Variants in LTF observed in about 807,000 individuals in gnomAD.
LTF encodes the protein lactotransferrin.
LTF carries 91 observed loss-of-function variants against 87.2 expected under a neutral mutation model. That is an observed-to-expected ratio of 1.04 (90% CI 0.88 to 1.24). LTF has a LOEUF of 1.24. Ranked by LOEUF, LTF falls within the 50% of genes most tolerant of loss-of-function variation. The probability of loss-of-function intolerance (pLI) is 0.00; values close to 1 mark genes in which losing one functional copy is unlikely to be tolerated. For missense variants in LTF, 901 were observed against 904.3 expected (o/e 1.00, Z 0.05); for synonymous variants, 378 against 356.1 (o/e 1.06, Z -0.69).
At chr3:46,438,202 T>C in intron 15 of LTF, 73 bp from the exon 16 acceptor site, 1 of 1,252,916 alleles carries the variant, frequency 8.0e-7, no homozygotes, top group Non-Finnish European at 1.1e-6. Flanking sequence ...CAAAGGGGTA[T>C]TTCTTCCACC....
chr3:46,471,909 C>A (rs999586706), intron 1 of LTF, among the ~76,000 whole-genome samples: 1 of 152,176 alleles, frequency 6.6e-6, no homozygotes, highest in African/African-American at 2.4e-5. Flanking sequence ...GCCATGGGGA[C>A]AATTCCCCCA....
chr3:46,484,485 G>C (rs1286669271), intron 1 of LTF, among the ~76,000 whole-genome samples: 1 of 152,138 alleles, frequency 6.6e-6, no homozygotes, highest in Non-Finnish European at 1.5e-5. Flanking sequence ...TCAGGCCTTA[G>C]GGGCTGTGCT....
intron 1 of LTF, among the ~76,000 whole-genome samples, chr3:46,475,358 C>T (rs1703346504): frequency 6.6e-6 from 1 of 152,150 alleles, no homozygotes; most frequent in Non-Finnish European, 1.5e-5. Context: ...TCACCAATTC[C>T]ACACAACCTC....
At chr3:46,436,469 C>T (rs534656983) in intron 16 of LTF, among the ~76,000 whole-genome samples, 1 of 152,336 alleles carries the variant, frequency 6.6e-6, no homozygotes, top group South Asian at 2.1e-4. Context: ...AGAGACACAA[C>T]CACCCTGCAC....
intron 9 of LTF, among the ~76,000 whole-genome samples, chr3:46,447,872 C>T: frequency 6.6e-6 from 1 of 152,146 alleles, no homozygotes; most frequent in South Asian, 2.1e-4. Flanking sequence ...ATCATGGACT[C>T]ATCAGTAGTA....
At chr3:46,474,267 C>T (rs1438143516) in intron 1 of LTF, among the ~76,000 whole-genome samples, 2 of 151,938 alleles carry the variant, frequency 1.3e-5, no homozygotes, top group Admixed American at 1.3e-4. Context: ...GATAGAAAAA[C>T]ATAAACCATG....
In LTF at chr3:46,459,685, A is replaced by G. The variant is rs1575321016; in HGVS notation, c.178T>C (p.Ser60Pro). 6.4e-7 allele frequency: 1 copy of G among 1,554,028 alleles called. No homozygotes were observed. The highest frequency in any genetic ancestry group is 8.7e-7 in the Non-Finnish European group (1 of 1,153,604). Residue 60 changes from serine to proline, a missense_variant, in exon 2 of 17, where the codon TCC becomes CCC. Coordinates refer to ENST00000231751, the MANE Select transcript of LTF (RefSeq NM_002343.6). ...GPPVSCIKRD[S>P]PIQCIQAIAE... ...ATGGCCTGGATACACTGGATGGGGG[A>G]GTCTCTCTTTATGCAGCTGACAGGA...
In LTF at chr3:46,449,959, G is replaced by A. The variant is rs780149227; in HGVS notation, c.952C>T (p.Leu318=). 2 of 1,614,126 alleles carry A rather than the reference G, an allele frequency of 1.2e-6. No homozygotes were observed. Among genetic ancestry groups the A allele is most frequent in the Non-Finnish European group, 8.5e-7 (1 of 1,179,996 alleles). The change falls in exon 8 of 17, where the codon CTG becomes TTG. Residue 318 remains leucine, a synonymous_variant. Coordinates refer to ENST00000231751, the MANE Select transcript of LTF (RefSeq NM_002343.6). ...FGSPSGQKDL[L]FKDSAIGFSR... ...AACCCAATGGCAGAGTCCTTGAACAGCAGATCTTTCTGCCCACTAGGGGAG... is the reference window on the plus strand; with the variant it reads ...AACCCAATGGCAGAGTCCTTGAACAACAGATCTTTCTGCCCACTAGGGGAG...
At chr3:46,447,015 G>A (rs754846947) in intron 10 of LTF, among the ~76,000 whole-genome samples, 3 of 152,188 alleles carry the variant, frequency 2.0e-5, no homozygotes, top group Non-Finnish European at 2.9e-5. Flanking sequence ...GGACTGTACA[G>A]TGTGTGAAGT....
Position 46,449,914 on chromosome 3 carries a change from T to A in LTF, c.997A>T (p.Ile333Leu), listed in dbSNP as rs1266638205. 4 of 1,614,140 alleles carry A rather than the reference T, an allele frequency of 2.5e-6. No homozygotes were observed. In the East Asian group the frequency reaches 6.7e-5, roughly 27 times the overall value. Residue 333 changes from isoleucine to leucine, a missense_variant, in exon 8 of 17, where the codon ATA becomes TTA. By Grantham distance (5) the Ile-to-Leu change is conservative. Transcript: ENST00000231751. ...AIGFSRVPPR[I>L]DSGLYLGSGY... ...GAGCCAAGGTACAGCCCAGAATCTATCCTCGGGGGCACCCTCGAAAACCCA... is the reference window on the plus strand; with the variant it reads ...GAGCCAAGGTACAGCCCAGAATCTAACCTCGGGGGCACCCTCGAAAACCCA...
intron 1 of LTF, among the ~76,000 whole-genome samples, chr3:46,482,617 A>G: frequency 2.4e-5 from 1 of 41,722 alleles, no homozygotes; most frequent in African/African-American, 8.0e-5. Flanking sequence ...AAGAAGAAAG[A>G]AAGAAAGAAA....
chr3:46,443,418 A>T (rs1417159276), intron 13 of LTF, 23 bp downstream of exon 13: 2 of 1,613,710 alleles, frequency 1.2e-6, no homozygotes. Context: ...CCCCATCCTG[A>T]TGGAGCTCAG....
At chr3:46,471,578 G>A (rs956582469) in intron 1 of LTF, among the ~76,000 whole-genome samples, 3 of 152,212 alleles carry the variant, frequency 2.0e-5, no homozygotes, top group Admixed American at 1.3e-4. Flanking sequence ...TGTTGACCAG[G>A]TGAGTGTGGG....
At position 46,455,965 on chromosome 3, in the gene LTF, G is replaced by A. The variant is rs775531613; in HGVS notation, c.330C>T (p.His110=). 15 of 1,593,606 alleles carry A rather than the reference G, an allele frequency of 9.4e-6. No individual in the cohort carries two copies. Among genetic ancestry groups the A allele is most frequent in the Non-Finnish European group, 1.0e-5 (12 of 1,170,246 alleles). Residue 110 remains histidine (H), a synonymous_variant, in exon 4 of 17, where the codon CAC becomes CAT. Coordinates refer to ENST00000231751, the MANE Select transcript of LTF (RefSeq NM_002343.6). The stretch of plus-strand genomic sequence containing the variant: ...TCTTCACCACAGCCACGGCATAATA[G>A]TGAGTTCGTGGCTCTGCAAAGGGGC... ...VYGTERQPRT[H]YYAVAVVKKG... is the part of the protein sequence containing the mutation.
rs1017220386 is a variant in LTF, at chr3:46,436,120, A to G, written c.*75T>C. The G allele has an allele frequency of 3.4e-6, 5 of 1,463,052 alleles. No individual in the cohort carries two copies. The highest frequency in any genetic ancestry group is 1.7e-5 in the Admixed American group (1 of 59,778). The allele number at this position is 1,463,052 out of a possible 1,614,324, so 90.6% of individuals were successfully genotyped here. A position where few individuals can be genotyped will look rare whatever the true frequency, so the allele number is the denominator to read the frequency against. ...TTCAGCAGGGGAGGCCAAGGCCCCA[A>G]CACACCTGGGGAGAAGAGCTGGGGG... On this transcript the variant is annotated 3_prime_UTR_variant, in exon 17 of 17. Transcript: ENST00000231751.
At chr3:46,455,545 A>C (rs1702907398) in intron 4 of LTF, 103 bp from the exon 5 acceptor site, 1 of 1,407,382 alleles carries the variant, frequency 7.1e-7, no homozygotes, top group African/African-American at 1.4e-5. Flanking sequence ...CCCTTCCTCC[A>C]CCCCTGCAGG....
chr3:46,451,017 G>A (rs1042263088), intron 6 of LTF, among the ~76,000 whole-genome samples: 1 of 152,144 alleles, frequency 6.6e-6, no homozygotes, highest in Non-Finnish European at 1.5e-5. Flanking sequence ...AAGCTCAGGG[G>A]GCCACCAAGG....
At position 46,456,150 on chromosome 3, in the gene LTF, C is replaced by G. The variant is rs535631086; in HGVS notation, c.316+140G>C. Reference sequence around the variant, plus strand: ...GTCAGGAGGAACGGCCTTCATCTGGCCCAGAGCCCAGCGACTCCATTCCCT... The same window carrying G: ...GTCAGGAGGAACGGCCTTCATCTGGGCCAGAGCCCAGCGACTCCATTCCCT... On this transcript the variant is annotated intron_variant, in intron 3 of 16. Coordinates refer to ENST00000231751, the MANE Select transcript of LTF (RefSeq NM_002343.6). 3.1e-4 allele frequency: 283 copies of G among 914,054 alleles called. 1 individual carries two copies. Among genetic ancestry groups the G allele is most frequent in the South Asian group, 1.5e-3 (88 of 59,564 alleles). 56.6% of individuals were successfully genotyped at this position (914,054 alleles called of 1,614,324 possible). A position where few individuals can be genotyped will look rare whatever the true frequency, so the allele number is the denominator to read the frequency against.
chr3:46,443,542 CG>C lies in LTF; in HGVS notation c.1553del (p.Pro518ArgfsTer47). 1 of 1,614,148 alleles carries C rather than the reference CG, an allele frequency of 6.2e-7. No individual in the cohort carries two copies. The highest frequency in any genetic ancestry group is 1.7e-5 in the Admixed American group (1 of 60,032). On this transcript the variant is annotated frameshift_variant, in exon 13 of 17. Coordinates refer to ENST00000231751, the MANE Select transcript of LTF (RefSeq NM_002343.6). LOFTEE classifies it high-confidence loss of function. ...FSQSCAPGSD[P>X]RSNLCALCIG... is the part of the protein sequence containing the mutation. ...TACACAGAGCACAGAGATTAGATCT[CG>C]GGTCAGACCCAGGGGCACAGCTTTG...
Sources: gnomAD v4.1 joint callset for allele counts (sites outside exome capture counted in the v4.1 genomes callset) on GRCh38, gnomAD v4.1.1 for gene constraint, MANE v1.5 for transcripts, NCBI Gene and HGNC (gene_info 2026-07-23, HGNC 2026-07-21) for gene names.